Variants in PWWP2A observed in about 807,000 individuals in gnomAD.
PWWP2A encodes the protein PWWP domain-containing protein 2A.
A neutral mutation model predicts 48.5 loss-of-function variants in PWWP2A; 18 were observed. That is an observed-to-expected ratio of 0.37 (90% CI 0.26 to 0.55). The LOEUF is 0.55. Among genes scored for constraint, PWWP2A ranks in the 20% least tolerant of loss-of-function variants. The probability of loss-of-function intolerance (pLI) is 0.81; values close to 1 mark genes in which losing one functional copy is unlikely to be tolerated. For synonymous variants in PWWP2A, 396 were observed against 387.7 expected, an observed-to-expected ratio of 1.02 and a Z score of -0.25; for missense variants, 867 against 976.4, an observed-to-expected ratio of 0.89 and a Z score of 1.49.
chr5:160,053,604 T>A, the PWWP2A span, among the ~76,000 whole-genome samples: 5 of 152,216 alleles, frequency 3.3e-5, no homozygotes, highest in African/African-American at 1.2e-4. Flanking sequence ...GTGTGATGCC[T>A]ATGCCTGTAG....
downstream of PWWP2A, chr5:160,090,357 A>G (rs1300761056): frequency 3.0e-6 from 3 of 984,092 alleles, no homozygotes; most frequent in Non-Finnish European, 3.6e-6. Context: ...GTCTTTCTGA[A>G]CTTTAGATTT....
intron 1 of PWWP2A, among the ~76,000 whole-genome samples, chr5:160,104,598 T>A (rs1756677100): frequency 6.6e-6 from 1 of 151,332 alleles, no homozygotes; most frequent in South Asian, 2.1e-4. Context: ...AGGTCAGGAG[T>A]TCTAGACCAG....
At chr5:160,057,793 A>G (rs1346306567), downstream of PWWP2A, among the ~76,000 whole-genome samples, 3 of 152,172 alleles carry the variant, frequency 2.0e-5, no homozygotes, top group Non-Finnish European at 4.4e-5. The surrounding 1 kb of genome is among the most constrained non-coding windows in gnomAD (Gnocchi z 4.4). Context: ...TGTGTGACAC[A>G]GAGCCTCATT....
chr5:160,048,149 T>A, the PWWP2A span, among the ~76,000 whole-genome samples: 1 of 136,604 alleles, frequency 7.3e-6, no homozygotes, highest in Admixed American at 7.6e-5. Context: ...TTTTTTTTTT[T>A]TTTTTTTTTT....
At chr5:160,115,538 C>T (rs1758034538) in intron 1 of PWWP2A, among the ~76,000 whole-genome samples, 1 of 151,794 alleles carries the variant, frequency 6.6e-6, no homozygotes, top group South Asian at 2.1e-4. Flanking sequence ...ACTAAAAATA[C>T]AAAAATTAGC....
At chr5:160,060,441 C>T (rs909949254), downstream of PWWP2A, among the ~76,000 whole-genome samples, 3 of 152,188 alleles carry the variant, frequency 2.0e-5, no homozygotes, top group African/African-American at 7.2e-5. Context: ...GTACTCTTCT[C>T]TTTGCCATGG....
At chr5:160,053,142 T>G in the PWWP2A span, among the ~76,000 whole-genome samples, 1 of 150,754 alleles carries the variant, frequency 6.6e-6, no homozygotes, top group African/African-American at 2.5e-5. Flanking sequence ...TTGGTTCATG[T>G]TCTGTGAGAT....
At chr5:160,109,803 ATATAT>A (rs1561698804) in intron 1 of PWWP2A, among the ~76,000 whole-genome samples, 11 of 128,872 alleles carry the variant, frequency 8.5e-5, no homozygotes, top group African/African-American at 2.3e-4. Context: ...ATATATATAT[ATATAT>A]AAAATAATAT....
intron 2 of PWWP2A, among the ~76,000 whole-genome samples, chr5:160,083,949 A>G (rs762155915): frequency 1.4e-4 from 21 of 152,258 alleles, no homozygotes; most frequent in Non-Finnish European, 2.8e-4. Flanking sequence ...GCAAATGCCT[A>G]TTAAAACTAG....
At chr5:160,045,488 AC>A in the PWWP2A span, among the ~76,000 whole-genome samples, 1 of 121,912 alleles carries the variant, frequency 8.2e-6, no homozygotes, top group Non-Finnish European at 1.7e-5. Context: ...ACACACACAC[AC>A]ACACACACAC....
chr5:160,066,254 G>A (rs1228392245), intron 4 of PWWP2A, among the ~76,000 whole-genome samples: 1 of 150,240 alleles, frequency 6.7e-6, no homozygotes, highest in Non-Finnish European at 1.5e-5. Flanking sequence ...TCAGTGTTCG[G>A]TGCTTCCTGT....
chr5:160,055,819 G>A, the PWWP2A span, among the ~76,000 whole-genome samples: 2 of 152,232 alleles, frequency 1.3e-5, no homozygotes, highest in African/African-American at 4.8e-5. Flanking sequence ...ATGGCACTGA[G>A]TTTTATCTTT....
chr5:160,044,750 T>C, the PWWP2A span, among the ~76,000 whole-genome samples: 1 of 152,152 alleles, frequency 6.6e-6, no homozygotes, highest in East Asian at 1.9e-4. Flanking sequence ...CAACCTCCTG[T>C]CTCATCCTGT....
Position 160,106,193 on chromosome 5 carries a change from A to G in PWWP2A, c.585-12128T>C, listed in dbSNP as rs146603050. 1.6e-3 allele frequency among the ~76,000 whole-genome samples: 246 copies of G among 152,348 alleles called. 2 individuals carry two copies. Among genetic ancestry groups the G allele is most frequent in the Non-Finnish European group, 1.9e-3 (129 of 68,036 alleles). On this transcript the variant is annotated intron_variant, in intron 1 of 1. Transcript: ENST00000307063. ...GGTATGGCGAAATATAGTTAAGTAC[A>G]TTTTAATTAGAACAAGGTTTTCAAA...
In PWWP2A at chr5:160,093,215, G is replaced by T; in HGVS notation, c.1435C>A (p.Gln479Lys). Reference sequence around the variant, plus strand: ...TCATTTTCTTCATTCCTGTACCTCTGTGGTTTTAAACGAACCCGGGGTGGA... The same window carrying T: ...TCATTTTCTTCATTCCTGTACCTCTTTGGTTTTAAACGAACCCGGGGTGGA... ...SLPPRVRLKP[Q>K]RYRNEENDSS... The change falls in exon 2 of 2, where the codon CAG becomes AAG. Residue 479 changes from glutamine to lysine, a missense_variant. By Grantham distance (53) the Gln-to-Lys change is moderately conservative. Transcript: ENST00000307063. This position sits in a 1 kb window ranked among gnomAD's most constrained non-coding sequence, Gnocchi z 5.8. 1 of 1,613,990 alleles carries T rather than the reference G, an allele frequency of 6.2e-7. No individual in the cohort carries two copies. The highest frequency in any genetic ancestry group is 8.5e-7 in the Non-Finnish European group (1 of 1,179,894).
At chr5:160,088,940 CAATTT>C (rs1266110101), downstream of PWWP2A, among the ~76,000 whole-genome samples, 2 of 152,248 alleles carry the variant, frequency 1.3e-5, no homozygotes, top group African/African-American at 4.8e-5. Context: ...GAGTGTAACT[CAATTT>C]AATATGTTGC....
downstream of PWWP2A, among the ~76,000 whole-genome samples, chr5:160,074,754 CA>C (rs779908628): frequency 3.1e-4 from 43 of 136,534 alleles, no homozygotes; most frequent in African/African-American, 3.7e-4. Context: ...CTCAAAAAAA[CA>C]AAAAAAAAAA....
In PWWP2A at chr5:160,092,517, G is replaced by C. The variant is rs1274370313; in HGVS notation, c.2133C>G (p.Pro711=). Residue 711 remains proline, a synonymous_variant, in exon 2 of 2, where the codon CCC becomes CCG. Transcript: ENST00000307063. ...TSFLALSQLS[P]FLENFQSRFN... is the part of the protein sequence containing the mutation. ...AGCGTGACTGGAAGTTTTCTAAAAA[G>C]GGGGAGAGTTGTGAAAGAGCAAGGA... 1.9e-6 allele frequency: 3 copies of C among 1,551,514 alleles called. No individual in the cohort carries two copies. The highest frequency in any genetic ancestry group is 2.7e-5 in the African/African-American group (2 of 73,042).
chr5:160,052,961 G>T, the PWWP2A span, among the ~76,000 whole-genome samples: 1 of 152,164 alleles, frequency 6.6e-6, no homozygotes, highest in Non-Finnish European at 1.5e-5. Flanking sequence ...AGTTTGAATG[G>T]CTAGATTCCT....
Sources: allele counts gnomAD v4.1 joint callset (sites outside exome capture counted in the v4.1 genomes callset), GRCh38; gene constraint gnomAD v4.1.1; non-coding constraint Gnocchi (gnomAD v3.1); transcripts MANE v1.5; gene names NCBI Gene and HGNC (gene_info 2026-07-23, HGNC 2026-07-21).